DPP10: variants seen among roughly 807,000 people sequenced by gnomAD.
DPP10 encodes the protein inactive dipeptidyl peptidase 10.
In DPP10, 33 loss-of-function variants were observed where a neutral mutation model predicts 120.9. The observed-to-expected ratio is 0.27, with a 90% confidence interval of 0.21 to 0.37. The LOEUF is 0.37. Ranked by LOEUF, DPP10 falls within the 10% of genes least tolerant of loss-of-function variation. The pLI is 1.00. For synonymous variants in DPP10, 337 were observed against 326.1 expected (o/e 1.03, Z -0.36); for missense variants, 816 against 942.8 (o/e 0.87, Z 1.76).
At chr2:115,038,587 T>C (rs1186684873) in intron 1 of DPP10, among the ~76,000 whole-genome samples, 1 of 152,124 alleles carries the variant, frequency 6.6e-6, no homozygotes, top group Non-Finnish European at 1.5e-5. Flanking sequence ...TCAGCACATA[T>C]TTATTAGGCT....
chr2:115,265,268 C>CATATAT (rs55778302), intron 1 of DPP10, among the ~76,000 whole-genome samples: 2,119 of 142,446 alleles, frequency 0.015, 20 homozygotes, highest in Middle Eastern at 0.022. Context: ...CTTTGGATTC[C>CATATAT]ATATATATAT....
chr2:115,109,725 C>T (rs959785939), intron 1 of DPP10, among the ~76,000 whole-genome samples: 4 of 152,150 alleles, frequency 2.6e-5, no homozygotes, highest in Non-Finnish European at 4.4e-5. Context: ...TTCCTTCACG[C>T]TGAATCCTTG....
chr2:115,180,386 C>T (rs1479355311), intron 1 of DPP10, among the ~76,000 whole-genome samples: 1 of 152,150 alleles, frequency 6.6e-6, no homozygotes, highest in Admixed American at 6.5e-5. Flanking sequence ...TCACTACTTA[C>T]ATATTCGTAC....
At chr2:114,532,294 TATAC>T (rs1278399873) in intron 1 of DPP10, among the ~76,000 whole-genome samples, 12 of 65,946 alleles carry the variant, frequency 1.8e-4, no homozygotes, top group African/African-American at 5.7e-4. Context: ...TATATATATA[TATAC>T]ACACACACAC....
At chr2:114,963,753 T>C (rs1305576517) in intron 1 of DPP10, among the ~76,000 whole-genome samples, 3 of 152,266 alleles carry the variant, frequency 2.0e-5, no homozygotes, top group East Asian at 1.9e-4. Flanking sequence ...AGGGTAAGAC[T>C]TCACACAGAG....
In DPP10 at chr2:114,808,067, C is replaced by T. The variant is rs190151141; in HGVS notation, c.60+365229C>T. ...ACTCCAAGAGAAAACGTTTCAGCAG[C>T]GCTGGACAGAAACACATACCCTTTT... On this transcript the variant is annotated intron_variant, in intron 1 of 25. Coordinates refer to ENST00000410059, the MANE Select transcript of DPP10 (RefSeq NM_020868.6). Among the ~76,000 whole-genome samples the T allele has an allele frequency of 7.8e-4, 118 of 152,254 alleles. 2 individuals carry two copies. The highest frequency in any genetic ancestry group is 2.7e-3 in the African/African-American group (112 of 41,556).
intron 3 of DPP10, among the ~76,000 whole-genome samples, chr2:115,485,390 G>A (rs1253891699): frequency 6.6e-6 from 1 of 151,982 alleles, no homozygotes; most frequent in Non-Finnish European, 1.5e-5. Context: ...TTTGATATTA[G>A]TAACCATCCT....
At chr2:114,999,384 C>A in intron 1 of DPP10, among the ~76,000 whole-genome samples, 1 of 152,264 alleles carries the variant, frequency 6.6e-6, no homozygotes, top group East Asian at 1.9e-4. Context: ...AAATCCATTC[C>A]TCATTTTAAG....
chr2:114,451,548 A>G (rs528000240), intron 1 of DPP10, among the ~76,000 whole-genome samples: 1 of 152,238 alleles, frequency 6.6e-6, no homozygotes, highest in South Asian at 2.1e-4. Flanking sequence ...ATAGTTCAGA[A>G]ACAGAGAAAA....
intron 1 of DPP10, among the ~76,000 whole-genome samples, chr2:114,843,058 A>G (rs72961632): frequency 0.011 from 1,749 of 152,308 alleles, 32 homozygotes; most frequent in African/African-American, 0.04. Flanking sequence ...GGACTGGGGT[A>G]GGTATCAAAT....
At chr2:114,950,808 A>C (rs991970062) in intron 1 of DPP10, among the ~76,000 whole-genome samples, 1 of 152,198 alleles carries the variant, frequency 6.6e-6, no homozygotes, top group African/African-American at 2.4e-5. Context: ...ACACTAGAAA[A>C]TAAATGATAT....
At chr2:114,932,429 A>G (rs1696147051) in intron 1 of DPP10, among the ~76,000 whole-genome samples, 2 of 152,238 alleles carry the variant, frequency 1.3e-5, no homozygotes, top group African/African-American at 4.8e-5. Context: ...CAACAGGAGA[A>G]TAAATAAATT....
chr2:114,762,741 A>G (rs1367250622), intron 1 of DPP10, among the ~76,000 whole-genome samples: 1 of 152,216 alleles, frequency 6.6e-6, no homozygotes, highest in Non-Finnish European at 1.5e-5. Flanking sequence ...AGCCTTAACC[A>G]CTGCCTGAAT....
chr2:115,105,380 C>T (rs867275489), intron 1 of DPP10, among the ~76,000 whole-genome samples: 1 of 151,594 alleles, frequency 6.6e-6, no homozygotes, highest in South Asian at 2.1e-4. Flanking sequence ...AAGGAGCTTA[C>T]ACTCATAGGA....
At chr2:115,809,720 C>G (rs1686411372) in intron 19 of DPP10, among the ~76,000 whole-genome samples, 1 of 152,164 alleles carries the variant, frequency 6.6e-6, no homozygotes, top group African/African-American at 2.4e-5. Context: ...CTCTATGTCC[C>G]CTCTTTCCAC....
Position 115,557,079 on chromosome 2 carries a change from C to T in DPP10, c.441+31107C>T, listed in dbSNP as rs1215437589. ...GTTTTGCATTGCGACTTAGAGGTACCCCATGTATTCCACTAAAATAATTTG... is the reference window on the plus strand; with the variant it reads ...GTTTTGCATTGCGACTTAGAGGTACTCCATGTATTCCACTAAAATAATTTG... On this transcript the variant is annotated intron_variant, in intron 5 of 25. Coordinates refer to ENST00000410059, the MANE Select transcript of DPP10 (RefSeq NM_020868.6). Among the ~76,000 whole-genome samples the T allele has an allele frequency of 2.0e-5, 3 of 151,956 alleles. No homozygotes were observed. The East Asian group carries it at 5.8e-4, about 29-fold the overall frequency.
At chr2:114,762,445 A>G (rs1680366143) in intron 1 of DPP10, among the ~76,000 whole-genome samples, 2 of 152,264 alleles carry the variant, frequency 1.3e-5, no homozygotes, top group Admixed American at 1.3e-4. Flanking sequence ...ATTCTGCAAT[A>G]GGAGCTACTA....
At chr2:115,384,929 C>T (rs2066804069) in intron 3 of DPP10, among the ~76,000 whole-genome samples, 1 of 152,112 alleles carries the variant, frequency 6.6e-6, no homozygotes, top group African/African-American at 2.4e-5. Context: ...TGGTGGTTTC[C>T]CCCATACTAT....
intron 1 of DPP10, among the ~76,000 whole-genome samples, chr2:114,646,219 A>G (rs1233961732): frequency 6.6e-6 from 1 of 150,650 alleles, no homozygotes; most frequent in African/African-American, 2.4e-5. Context: ...GGGGATCAAA[A>G]GCACTAGTCT....
Sources: gnomAD v4.1 joint callset for allele counts (sites outside exome capture counted in the v4.1 genomes callset) on GRCh38, gnomAD v4.1.1 for gene constraint, MANE v1.5 for transcripts, NCBI Gene and HGNC (gene_info 2026-07-23, HGNC 2026-07-21) for gene names.